Variants in UNC79 observed in about 807,000 individuals in gnomAD.
The protein encoded by UNC79 is unc-79 subunit of NALCN channel complex, also known as protein unc-79 homolog.
Under a neutral mutation model 283.1 loss-of-function variants are expected in UNC79, and 37 were observed. The ratio of observed to expected loss-of-function variants is 0.13; its 90% CI spans 0.10 to 0.17. UNC79 has a LOEUF of 0.17. Ranked by LOEUF, UNC79 falls within the 10% of genes least tolerant of loss-of-function variation. UNC79 has a pLI of 1.00. For missense variants in UNC79, 2,272 were observed against 3,211.1 expected, an observed-to-expected ratio of 0.71 and a Z score of 7.07; for synonymous variants, 1,107 against 1,200.2, an observed-to-expected ratio of 0.92 and a Z score of 1.61.
chr14:93,618,402 T>C (rs376758545), intron 29 of UNC79, 48 bp downstream of exon 30: 1 of 1,499,538 alleles, frequency 6.7e-7, no homozygotes, highest in Non-Finnish European at 8.9e-7. Context: ...ACATAATAGA[T>C]TTCTGGACAA....
At chr14:93,346,052 C>T (rs933015626) in intron 1 of UNC79, among the ~76,000 whole-genome samples, 1 of 151,366 alleles carries the variant, frequency 6.6e-6, no homozygotes, top group Non-Finnish European at 1.5e-5. Flanking sequence ...AGTTCTATAA[C>T]CATTCAAATT....
chr14:93,499,098 T>G (rs945816360), intron 7 of UNC79, among the ~76,000 whole-genome samples: 1 of 152,240 alleles, frequency 6.6e-6, no homozygotes, highest in Admixed American at 6.5e-5. Context: ...TACTTGTTGT[T>G]TGGGCTTTTG....
intron 1 of UNC79, among the ~76,000 whole-genome samples, chr14:93,335,717 G>A (rs2053564266): frequency 6.6e-6 from 1 of 152,230 alleles, no homozygotes; most frequent in Admixed American, 6.5e-5. Flanking sequence ...TGTGCGGTAG[G>A]AAAGGAGGAA....
chr14:93,617,051 A>G lies in UNC79; in HGVS notation c.4042-71A>G. On this transcript the variant is annotated intron_variant, in intron 27 of 48. Transcript: ENST00000555664. This position sits in a 1 kb window ranked among gnomAD's most constrained non-coding sequence, Gnocchi z 4.5. ...AAAATTTTAACCACTGGGATGGCTC[A>G]AATTTTTCCTTTTGACCTCTGAGTG... is the stretch of plus-strand genomic sequence containing the variant. 1 of 1,441,470 alleles carries G rather than the reference A, an allele frequency of 6.9e-7. No individual in the cohort carries two copies. Among genetic ancestry groups the G allele is most frequent in the Admixed American group, 2.2e-5 (1 of 45,912 alleles). 89.3% of individuals were successfully genotyped at this position (1,441,470 alleles called of 1,614,324 possible).
rs1232070625 is a variant in UNC79, at chr14:93,604,598, T to C, written c.3754+1180T>C. Among the ~76,000 whole-genome samples, 10 of 152,280 alleles carry C rather than the reference T, an allele frequency of 6.6e-5. No individual in the cohort carries two copies. The East Asian group carries it at 1.9e-3, about 29-fold the overall frequency. On this transcript the variant is annotated intron_variant, in intron 26 of 48. Transcript: ENST00000555664. ...AAATAAATAACAAATTTTATATGAGTTTCCCAGCTCTATTTATATCCTAAC... is the reference window on the plus strand; with the variant it reads ...AAATAAATAACAAATTTTATATGAGCTTCCCAGCTCTATTTATATCCTAAC...
At chr14:93,631,786 T>G (rs1286252181) in intron 31 of UNC79, among the ~76,000 whole-genome samples, 1 of 152,228 alleles carries the variant, frequency 6.6e-6, no homozygotes, top group Non-Finnish European at 1.5e-5. Flanking sequence ...ATTCATGCAT[T>G]CATTCATTCA....
At chr14:93,402,452 A>G (rs954659146) in intron 1 of UNC79, among the ~76,000 whole-genome samples, 1 of 152,000 alleles carries the variant, frequency 6.6e-6, no homozygotes, top group Non-Finnish European at 1.5e-5. Flanking sequence ...GGAAAAAATT[A>G]TAAACAAAAA....
chr14:93,620,773 C>T (rs1353006963), intron 29 of UNC79, 119 bp from the exon 31 acceptor site: 2 of 301,846 alleles, frequency 6.6e-6, no homozygotes, highest in Non-Finnish European at 1.3e-5. Flanking sequence ...TAGACTTGGG[C>T]TGGTGCAGAA....
rs1011435733 is a variant in UNC79 at position 93,614,483 on chromosome 14, A to AT, written c.4041+1407dup. Reference sequence around the variant, plus strand: ...AGGCACCCGCCACCACGCTTAGCTAATTTTTTTGTATTTTTAGTAGAGACG... The same window carrying AT: ...AGGCACCCGCCACCACGCTTAGCTAATTTTTTTTGTATTTTTAGTAGAGACG... On this transcript the variant is annotated intron_variant, in intron 27 of 48. Coordinates refer to ENST00000555664, the Ensembl canonical transcript of UNC79. Among the ~76,000 whole-genome samples the AT allele has an allele frequency of 1.7e-4, 26 of 151,554 alleles. 1 individual carries two copies. Among genetic ancestry groups the AT allele is most frequent in the Non-Finnish European group, 2.9e-5 (2 of 67,890 alleles).
At chr14:93,698,476 G>GATTTTTTTTTTTTTTT (rs1555408706) in intron 47 of UNC79, among the ~76,000 whole-genome samples, 1 of 79,098 alleles carries the variant, frequency 1.3e-5, no homozygotes, top group African/African-American at 4.0e-5. Context: ...TTTAGTTTAG[G>GATTTTTTTTTTTTTTT]TTTTTTTTTT....
At chr14:93,606,820 A>G (rs2139661571) in intron 26 of UNC79, among the ~76,000 whole-genome samples, 1 of 152,364 alleles carries the variant, frequency 6.6e-6, no homozygotes, top group African/African-American at 2.4e-5. Flanking sequence ...GCAGAGAGTC[A>G]CATTTCTCTA....
upstream of UNC79, among the ~76,000 whole-genome samples, chr14:93,429,833 G>A (rs77356024): frequency 2.1e-3 from 316 of 152,264 alleles, 1 homozygote; most frequent in African/African-American, 7.2e-3. Flanking sequence ...AAGGACTTGC[G>A]CATCCATTCG....
At chr14:93,667,267 A>T (rs748020699) in intron 40 of UNC79, among the ~76,000 whole-genome samples, 11 of 152,102 alleles carry the variant, frequency 7.2e-5, no homozygotes, top group Non-Finnish European at 1.5e-4. Context: ...GAAGGAAAAC[A>T]TAGATACAAT....
At chr14:93,496,932 C>T (rs2059039635) in intron 6 of UNC79, among the ~76,000 whole-genome samples, 1 of 152,132 alleles carries the variant, frequency 6.6e-6, no homozygotes, top group Non-Finnish European at 1.5e-5. Flanking sequence ...ACTTTGTACT[C>T]TACCTGTGAG....
At chr14:93,393,900 T>C (rs1306310575) in intron 1 of UNC79, among the ~76,000 whole-genome samples, 1 of 152,036 alleles carries the variant, frequency 6.6e-6, no homozygotes, top group Non-Finnish European at 1.5e-5. Flanking sequence ...GTTACTATTG[T>C]CCCCTAACCT....
intron 41 of UNC79, 138 bp downstream of exon 44, chr14:93,673,593 G>T (rs1360899748): frequency 1.6e-6 from 1 of 624,098 alleles, no homozygotes; most frequent in Non-Finnish European, 2.6e-6. Context: ...TATGGACCAT[G>T]ATCTAACTAA....
exon 29 of UNC79, chr14:93,618,200 C>T: frequency 6.2e-7 from 1 of 1,612,976 alleles, no homozygotes; most frequent in Non-Finnish European, 8.5e-7. Context: ...AGTATCCATA[C>T]CGAGACTGTG....
At chr14:93,420,445 C>G (rs182295150) in intron 1 of UNC79, among the ~76,000 whole-genome samples, 2 of 151,202 alleles carry the variant, frequency 1.3e-5, no homozygotes, top group East Asian at 3.9e-4. Flanking sequence ...AGGGGAGTAC[C>G]CAGATATATG....
At chr14:93,394,547 A>G (rs1454703693) in intron 1 of UNC79, among the ~76,000 whole-genome samples, 1 of 151,312 alleles carries the variant, frequency 6.6e-6, no homozygotes, top group Admixed American at 6.6e-5. Flanking sequence ...AGTAGCTGGG[A>G]TTACAGGCAC....
Sources: gnomAD v4.1 joint callset for allele counts (sites outside exome capture counted in the v4.1 genomes callset) on GRCh38, gnomAD v4.1.1 for gene constraint, Gnocchi (gnomAD v3.1) non-coding constraint, MANE v1.5 for transcripts, NCBI Gene and HGNC (gene_info 2026-07-23, HGNC 2026-07-21) for gene names.